Variants in TOX2 observed in about 807,000 individuals in gnomAD.
TOX2 encodes the protein TOX high mobility group box family member 2, also known as granulosa cell HMG box 1.
Under a neutral mutation model 47.4 loss-of-function variants are expected in TOX2, and 15 were observed. That is an observed-to-expected ratio of 0.32 (90% CI 0.21 to 0.49). The LOEUF (loss-of-function observed/expected upper bound fraction) is 0.49. Ranked by LOEUF, TOX2 falls within the 20% of genes least tolerant of loss-of-function variation. The pLI, the probability that TOX2 is intolerant of heterozygous loss-of-function variation, is 0.99. For synonymous variants in TOX2, 290 were observed against 296.6 expected (o/e 0.98, Z 0.23); for missense variants, 622 against 673.1 (o/e 0.92, Z 0.84).
chr20:43,973,275 A>G, intron 1 of TOX2, 92 bp from the exon 2 acceptor site: 1 of 1,269,086 alleles, frequency 7.9e-7, no homozygotes, highest in Non-Finnish European at 1.1e-6. Context: ...AGTCCCCTGC[A>G]GTCAGTCCCC....
chr20:44,054,213 T>G (rs905370352), intron 4 of TOX2, 86 bp from the exon 5 acceptor site: 2 of 1,403,610 alleles, frequency 1.4e-6, no homozygotes, highest in African/African-American at 2.9e-5. Flanking sequence ...GCTGGAGAAG[T>G]GCAGCTCGGC....
At chr20:44,033,555 G>A (rs2071189320) in intron 3 of TOX2, among the ~76,000 whole-genome samples, 1 of 152,072 alleles carries the variant, frequency 6.6e-6, no homozygotes, top group African/African-American at 2.4e-5. Context: ...AATTTCAGAA[G>A]TACTTACAAG....
intron 1 of TOX2, among the ~76,000 whole-genome samples, chr20:43,926,646 A>G (rs1336703987): frequency 6.6e-6 from 1 of 152,188 alleles, no homozygotes; most frequent in Non-Finnish European, 1.5e-5. Context: ...TCAGTTCAGG[A>G]TCGGTGTAGC....
At chr20:43,934,853 G>A (rs1366437531) in intron 1 of TOX2, among the ~76,000 whole-genome samples, 1 of 151,606 alleles carries the variant, frequency 6.6e-6, no homozygotes, top group Non-Finnish European at 1.5e-5. Context: ...GGGGTGGGTG[G>A]AGTCCATCCT....
chr20:44,065,629 T>C, intron 6 of TOX2, 83 bp from the exon 7 acceptor site: 1 of 1,477,102 alleles, frequency 6.8e-7, no homozygotes, highest in Non-Finnish European at 9.1e-7. Flanking sequence ...TGTCAGTGGG[T>C]TGCAGAGCCT....
At chr20:43,981,622 A>G (rs2070170404) in intron 2 of TOX2, among the ~76,000 whole-genome samples, 1 of 152,236 alleles carries the variant, frequency 6.6e-6, no homozygotes, top group African/African-American at 2.4e-5. Context: ...ATGGGAATTT[A>G]TTATAACTTT....
At chr20:44,011,187 T>C (rs1301314405) in intron 3 of TOX2, among the ~76,000 whole-genome samples, 1 of 152,218 alleles carries the variant, frequency 6.6e-6, no homozygotes, top group Non-Finnish European at 1.5e-5. Context: ...AAAGACCCTC[T>C]TTTCTAAATA....
At position 43,915,295 on chromosome 20, in the gene TOX2, TGCTTAC is replaced by T. The variant is rs1356563139; in HGVS notation, c.99+306_99+311del. 6.6e-6 allele frequency among the ~76,000 whole-genome samples: 1 copy of T among 152,104 alleles called. No homozygotes were observed. The highest frequency in any genetic ancestry group is 1.5e-5 in the Non-Finnish European group (1 of 68,022). On this transcript the variant is annotated intron_variant, in intron 1 of 8. Coordinates refer to ENST00000341197, the MANE Select transcript of TOX2 (RefSeq NM_001098797.2). This position sits in a 1 kb window ranked among gnomAD's most constrained non-coding sequence, Gnocchi z 7.1. The stretch of plus-strand genomic sequence containing the variant: ...CAGCCACACGCAGGCGGCCAGGCAC[TGCTTAC>T]ACGGTCCCGCCGTCCCACGCAAGTC...
chr20:43,994,278 A>G (rs2070425949), intron 2 of TOX2, among the ~76,000 whole-genome samples: 1 of 149,288 alleles, frequency 6.7e-6, no homozygotes, highest in African/African-American at 2.5e-5. Flanking sequence ...CAGCCTGGGC[A>G]GCATGGCAAA....
At chr20:43,984,396 A>G (rs1037574888) in intron 2 of TOX2, among the ~76,000 whole-genome samples, 3 of 152,252 alleles carry the variant, frequency 2.0e-5, no homozygotes, top group Admixed American at 6.5e-5. Flanking sequence ...AGAATTGAGT[A>G]TATATGTCAG....
chr20:43,938,933 G>A (rs2069365186), intron 1 of TOX2, among the ~76,000 whole-genome samples: 1 of 152,178 alleles, frequency 6.6e-6, no homozygotes, highest in South Asian at 2.1e-4. Flanking sequence ...GCCTCCTTGT[G>A]CAGCTCTGGC....
intron 3 of TOX2, among the ~76,000 whole-genome samples, chr20:44,031,219 G>T (rs1042371815): frequency 6.6e-6 from 1 of 152,144 alleles, no homozygotes; most frequent in Non-Finnish European, 1.5e-5. Flanking sequence ...TTCCTCCACT[G>T]TTTGCTGAGT....
chr20:44,013,144 G>C (rs372008309), intron 3 of TOX2, among the ~76,000 whole-genome samples: 1 of 152,242 alleles, frequency 6.6e-6, no homozygotes, highest in South Asian at 2.1e-4. Context: ...TTAGGGACAA[G>C]TTCTGGGTAT....
intron 5 of TOX2, among the ~76,000 whole-genome samples, chr20:44,056,265 G>A (rs369081557): frequency 7.2e-5 from 11 of 152,340 alleles, no homozygotes; most frequent in African/African-American, 2.2e-4. Flanking sequence ...GAATATAGCC[G>A]GTGGCAGCTG....
chr20:44,062,367 AAAATAAATAAATAAATAAATAAAT>A (rs200770035), intron 5 of TOX2, among the ~76,000 whole-genome samples: 15 of 140,860 alleles, frequency 1.1e-4, no homozygotes, highest in Non-Finnish European at 2.0e-4. Context: ...CTTTAACTGC[AAAATAAATAAATAAATAAATAAAT>A]AAATAAATAA....
chr20:44,059,783 C>A (rs1302864248), intron 5 of TOX2, among the ~76,000 whole-genome samples: 1 of 152,152 alleles, frequency 6.6e-6, no homozygotes, highest in East Asian at 1.9e-4. Context: ...TTTTGAAATA[C>A]ACAAAAATGG....
chr20:44,006,424 A>C, intron 2 of TOX2, 123 bp from the exon 3 acceptor site: 1 of 1,452,278 alleles, frequency 6.9e-7, no homozygotes. Flanking sequence ...CAGAAACATC[A>C]TCCCTTCTCT....
At chr20:43,955,038 C>A in intron 1 of TOX2, 1 of 163,606 alleles carries the variant, frequency 6.1e-6, no homozygotes. Flanking sequence ...CTCATTTGGC[C>A]CCCAAAATCT....
In TOX2 at chr20:44,068,989, C is replaced by A; in HGVS notation, c.*303C>A. 1 of 520,828 alleles carries A rather than the reference C, an allele frequency of 1.9e-6. No individual in the cohort carries two copies. The highest frequency in any genetic ancestry group is 4.3e-5 in the East Asian group (1 of 23,518). The allele number at this position is 520,828 out of a possible 1,614,324, so 32.3% of individuals were successfully genotyped here. On this transcript the variant is annotated 3_prime_UTR_variant, in exon 9 of 9. Coordinates refer to ENST00000341197, the MANE Select transcript of TOX2 (RefSeq NM_001098797.2). Reference sequence around the variant, plus strand: ...CGGTACCCTATGTCTGGACACCCGGCCCCAGCTCCAGCCCCAGCCCAGGTG... The same window carrying A: ...CGGTACCCTATGTCTGGACACCCGGACCCAGCTCCAGCCCCAGCCCAGGTG...
Sources: gnomAD v4.1 joint callset for allele counts (sites outside exome capture counted in the v4.1 genomes callset) on GRCh38, gnomAD v4.1.1 for gene constraint, Gnocchi (gnomAD v3.1) non-coding constraint, MANE v1.5 for transcripts, NCBI Gene and HGNC (gene_info 2026-07-23, HGNC 2026-07-21) for gene names.